The following NDST3 variants were observed in gnomAD, a reference collection of about 807,000 sequenced individuals.
The protein encoded by NDST3 is N-deacetylase and N-sulfotransferase 3, also known as bifunctional heparan sulfate N-deacetylase/N-sulfotransferase 3.
NDST3 carries 58 observed loss-of-function variants against 96.1 expected under a neutral mutation model. The ratio of observed to expected loss-of-function variants is 0.60; its 90% CI spans 0.49 to 0.75. The LOEUF (loss-of-function observed/expected upper bound fraction) is 0.75, where lower values mean the gene tolerates loss of function less well. NDST3 is among the 30% of genes least tolerant of loss of function. The pLI is 0.00. For missense variants in NDST3, 788 were observed against 1,034.2 expected, an observed-to-expected ratio of 0.76 and a Z score of 3.27; for synonymous variants, 333 against 359.7, an observed-to-expected ratio of 0.93 and a Z score of 0.84.
chr4:118,245,272 C>A (rs1192479334), intron 12 of NDST3, among the ~76,000 whole-genome samples: 1 of 152,134 alleles, frequency 6.6e-6, no homozygotes, highest in Non-Finnish European at 1.5e-5. Flanking sequence ...TAGCTAAATA[C>A]CTGAACCTGG....
chr4:118,119,156 T>A (rs1731348020), intron 4 of NDST3, among the ~76,000 whole-genome samples: 2 of 152,218 alleles, frequency 1.3e-5, no homozygotes, highest in South Asian at 4.1e-4. Context: ...GGTGTCCTTT[T>A]TGCCTCTCTT....
intron 6 of NDST3, among the ~76,000 whole-genome samples, chr4:118,181,031 A>G (rs189610346): frequency 3.0e-4 from 45 of 152,266 alleles, no homozygotes; most frequent in Admixed American, 2.1e-3. Flanking sequence ...AAAATGCCAA[A>G]GAAATCAGAT....
intron 9 of NDST3, among the ~76,000 whole-genome samples, chr4:118,234,229 T>G (rs538038609): frequency 1.4e-4 from 21 of 152,144 alleles, no homozygotes; most frequent in African/African-American, 5.1e-4. Flanking sequence ...CTGGGCAACA[T>G]AGCAAGACCC....
intron 2 of NDST3, among the ~76,000 whole-genome samples, chr4:118,060,876 T>C (rs936277197): frequency 5.9e-5 from 9 of 152,314 alleles, no homozygotes; most frequent in Admixed American, 3.3e-4. Flanking sequence ...TAGATGTTAA[T>C]GTTGCTGTTT....
At chr4:118,169,736 G>A (rs1735803735) in intron 6 of NDST3, among the ~76,000 whole-genome samples, 4 of 151,400 alleles carry the variant, frequency 2.6e-5, no homozygotes, top group South Asian at 2.1e-4. Flanking sequence ...GGAGGTTGCA[G>A]TCAGCCAAGA....
At chr4:118,152,462 CTT>C (rs1168025363) in intron 6 of NDST3, among the ~76,000 whole-genome samples, 1 of 152,128 alleles carries the variant, frequency 6.6e-6, no homozygotes, top group Non-Finnish European at 1.5e-5. Context: ...TTCTTTAAAA[CTT>C]ATGAATTGTT....
chr4:118,172,077 CA>C (rs1735990069), intron 6 of NDST3, among the ~76,000 whole-genome samples: 1 of 152,152 alleles, frequency 6.6e-6, no homozygotes, highest in African/African-American at 2.4e-5. Context: ...ATCAAGGTTT[CA>C]AAAAGTATTA....
chr4:118,224,371 G>A (rs974663406), intron 6 of NDST3, 120 bp from the exon 7 acceptor site: 11 of 740,022 alleles, frequency 1.5e-5, no homozygotes, highest in South Asian at 3.4e-5. Flanking sequence ...CCAAAAACAC[G>A]CCATCAACTG....
intron 5 of NDST3, among the ~76,000 whole-genome samples, chr4:118,142,196 A>C (rs910278857): frequency 1.3e-5 from 2 of 152,030 alleles, no homozygotes; most frequent in Non-Finnish European, 2.9e-5. Flanking sequence ...ACATCATCAG[A>C]GCTAATATTT....
At chr4:118,124,439 A>T (rs1309202667) in intron 4 of NDST3, among the ~76,000 whole-genome samples, 1 of 152,066 alleles carries the variant, frequency 6.6e-6, no homozygotes, top group African/African-American at 2.4e-5. Flanking sequence ...CATGCTGGAC[A>T]ACTCTGTGAG....
chr4:118,043,478 C>T (rs1724584778), intron 1 of NDST3, among the ~76,000 whole-genome samples: 1 of 152,210 alleles, frequency 6.6e-6, no homozygotes, highest in African/African-American at 2.4e-5. Flanking sequence ...AGGAGATGCT[C>T]TTTTCACAAA....
At chr4:118,052,608 G>T (rs1725142919) in intron 1 of NDST3, among the ~76,000 whole-genome samples, 1 of 151,856 alleles carries the variant, frequency 6.6e-6, no homozygotes, top group Non-Finnish European at 1.5e-5. Flanking sequence ...CATTATTTTG[G>T]ATTTGACTAG....
At chr4:118,210,225 T>G (rs1485105140) in intron 6 of NDST3, among the ~76,000 whole-genome samples, 2 of 152,130 alleles carry the variant, frequency 1.3e-5, no homozygotes, top group Non-Finnish European at 2.9e-5. Context: ...AGCTGAGCTC[T>G]GGCTTGAGGG....
intron 2 of NDST3, among the ~76,000 whole-genome samples, chr4:118,093,799 C>A (rs769824011): frequency 3.3e-5 from 5 of 151,826 alleles, no homozygotes; most frequent in Admixed American, 6.6e-5. Context: ...ACTGCTACAA[C>A]AAAATGCCAC....
At chr4:118,150,928 A>C (rs904464456) in intron 6 of NDST3, among the ~76,000 whole-genome samples, 1 of 151,738 alleles carries the variant, frequency 6.6e-6, no homozygotes, top group African/African-American at 2.4e-5. Context: ...CTATAAAGAC[A>C]CATGCACACG....
At chr4:118,240,475 T>C in intron 10 of NDST3, 49 bp from the exon 11 acceptor site, 1 of 1,448,564 alleles carries the variant, frequency 6.9e-7, no homozygotes, top group Non-Finnish European at 9.2e-7. Context: ...TTTTTAATTA[T>C]TTATGCCTAC....
At chr4:118,119,796 A>T (rs1731400747) in intron 4 of NDST3, among the ~76,000 whole-genome samples, 1 of 152,142 alleles carries the variant, frequency 6.6e-6, no homozygotes, top group African/African-American at 2.4e-5. Context: ...TTCTTCCCCA[A>T]GGTGTCCCAA....
chr4:118,209,609 G>A lies in NDST3; in HGVS notation c.1540-14882G>A, dbSNP rs1738658883. On this transcript the variant is annotated intron_variant, in intron 6 of 13. Coordinates refer to ENST00000296499, the MANE Select transcript of NDST3 (RefSeq NM_004784.3). ...ATAAAAGGGCTGAACTTGCAGTTCT[G>A]AAAGTATAGCCAGAAAAATTATGTG... 2.0e-5 allele frequency among the ~76,000 whole-genome samples: 3 copies of A among 152,150 alleles called. No individual in the cohort carries two copies. In the South Asian group the frequency reaches 6.2e-4, roughly 31 times the overall value.
intron 6 of NDST3, among the ~76,000 whole-genome samples, chr4:118,160,163 A>G (rs1734995836): frequency 6.6e-6 from 1 of 152,192 alleles, no homozygotes; most frequent in Non-Finnish European, 1.5e-5. Context: ...GCAGAAAAAG[A>G]AAACTGATTC....
Sources: allele counts gnomAD v4.1 joint callset (sites outside exome capture counted in the v4.1 genomes callset), GRCh38; gene constraint gnomAD v4.1.1; transcripts MANE v1.5; gene names NCBI Gene and HGNC (gene_info 2026-07-23, HGNC 2026-07-21).